Variants in CELSR2 observed in about 807,000 individuals in gnomAD.
CELSR2 encodes cadherin EGF LAG seven-pass G-type receptor 2.
Under a neutral mutation model 251.6 loss-of-function variants are expected in CELSR2, and 81 were observed. The observed-to-expected ratio is 0.32, with a 90% CI of 0.27 to 0.39. The LOEUF (loss-of-function observed/expected upper bound fraction) is 0.39, where lower values mean the gene tolerates loss of function less well. CELSR2 is among the 10% of genes least tolerant of loss of function. The pLI, the probability that CELSR2 is intolerant of heterozygous loss-of-function variation, is 1.00. For synonymous variants in CELSR2, 1,721 were observed against 1,670.5 expected (o/e 1.03, Z -0.74); for missense variants, 3,365 against 3,947.7 (o/e 0.85, Z 3.96).
intron 25 of CELSR2, 34 bp downstream of exon 25, chr1:109,271,073 T>G (rs1450003396): frequency 6.4e-7 from 1 of 1,568,414 alleles, no homozygotes; most frequent in Non-Finnish European, 8.8e-7. Context: ...GTGTCACCTG[T>G]GGCCCTCCTT....
Position 109,258,538 on chromosome 1 carries a change from G to C in CELSR2, c.3417G>C (p.Glu1139Asp), listed in dbSNP as rs753849362. The C allele has an allele frequency of 6.2e-7, 1 of 1,605,374 alleles. No individual in the cohort carries two copies. Among genetic ancestry groups the C allele is most frequent in the South Asian group, 1.1e-5 (1 of 89,400 alleles). ...ITLRLEDMSP[E>D]RFLSPLLGLF... ...TGCGCCTGGAGGACATGTCACCCGA[G>C]CGCTTCCTGTCACCACTGCTAGGCC... The change falls in exon 2 of 34, where the codon GAG (glutamate) becomes GAC (aspartate). Residue 1139 changes from glutamate (E) to aspartate (D), a missense_variant. Physicochemically the swap from Glu to Asp is conservative, Grantham distance 45 (BLOSUM62 2). Coordinates refer to ENST00000271332, the MANE Select transcript of CELSR2 (RefSeq NM_001408.3).
chr1:109,258,890 G>A lies in CELSR2; in HGVS notation c.3769G>A (p.Ala1257Thr), dbSNP rs767046890. 6 of 1,612,406 alleles carry A rather than the reference G, an allele frequency of 3.7e-6. No homozygotes were observed. The highest frequency in any genetic ancestry group is 3.3e-5 in the Admixed American group (2 of 59,906). ...CTTCGACTCCTCCGCGCCCTTCATC[G>A]CCTCCTCCTCCGTGCTCTTCCGGCC... is the stretch of plus-strand genomic sequence containing the variant. ...LRFDSSAPFI[A>T]SSSVLFRPIH... The change falls in exon 2 of 34, where the codon GCC (alanine) becomes ACC (threonine). Residue 1257 changes from alanine to threonine, a missense_variant. Physicochemically the swap from Ala to Thr is moderately conservative, Grantham distance 58. Coordinates refer to ENST00000271332, the MANE Select transcript of CELSR2 (RefSeq NM_001408.3).
chr1:109,265,640 G>A lies in CELSR2; in HGVS notation c.5728-95G>A, dbSNP rs574769059. 1.8e-5 allele frequency: 26 copies of A among 1,460,252 alleles called. No individual in the cohort carries two copies. The East Asian group carries it at 2.3e-4, about 13-fold the overall frequency. The allele number at this position is 1,460,252 out of a possible 1,614,324, so 90.5% of individuals were successfully genotyped here. A position where few individuals can be genotyped will look rare whatever the true frequency, so the allele number is the denominator to read the frequency against. ...ACTGCTCCTGAGGGGACCTGAGGTCGGGACCCTCTCCACAGGGGCCACAGC... is the reference window on the plus strand; with the variant it reads ...ACTGCTCCTGAGGGGACCTGAGGTCAGGACCCTCTCCACAGGGGCCACAGC... On this transcript the variant is annotated intron_variant, in intron 13 of 33. Coordinates refer to ENST00000271332, the MANE Select transcript of CELSR2 (RefSeq NM_001408.3).
At position 109,258,982 on chromosome 1, in the gene CELSR2, C is replaced by T. The variant is rs750464024; in HGVS notation, c.3861C>T (p.Thr1287=). The change falls in exon 2 of 34, where the codon ACC becomes ACT. Residue 1287 remains threonine (T), a synonymous_variant. Coordinates refer to ENST00000271332, the MANE Select transcript of CELSR2 (RefSeq NM_001408.3). The part of the protein sequence containing the change: ...PPGFTGDYCE[T]EVDLCYSRPC... The stretch of plus-strand genomic sequence containing the variant: ...GCTTCACGGGTGACTACTGCGAGAC[C>T]GAGGTGGACCTCTGCTACTCGCGGC... 27 of 1,609,114 alleles carry T rather than the reference C, an allele frequency of 1.7e-5. No individual in the cohort carries two copies. The highest frequency in any genetic ancestry group is 1.9e-5 in the Non-Finnish European group (22 of 1,179,476).
chr1:109,260,693 G>A (rs1014439804), intron 2 of CELSR2, among the ~76,000 whole-genome samples: 70 of 152,130 alleles, frequency 4.6e-4, no homozygotes, highest in African/African-American at 1.6e-3. Context: ...GTGTGACATC[G>A]AAGGCTCCCG....
In CELSR2 at chr1:109,269,134, C is replaced by T. The variant is rs1288336877; in HGVS notation, c.6656C>T (p.Ala2219Val). The part of the protein sequence containing the change: ...FRETPPVVRP[A>V]GPGEAQEPEE... ...GAGACGCCCCCCGTGGTCAGGCCCGCAGGCCCCGGAGAGGCCCAGGAGCCA... is the reference window on the plus strand; with the variant it reads ...GAGACGCCCCCCGTGGTCAGGCCCGTAGGCCCCGGAGAGGCCCAGGAGCCA... Residue 2219 changes from alanine (A) to valine (V), a missense_variant, in exon 20 of 34, where the codon GCA becomes GTA. Transcript: ENST00000271332. This position sits in a 1 kb window ranked among gnomAD's most constrained non-coding sequence, Gnocchi z 6.4. 2 of 1,606,644 alleles carry T rather than the reference C, an allele frequency of 1.2e-6. No individual in the cohort carries two copies. Among genetic ancestry groups the T allele is most frequent in the East Asian group, 2.2e-5 (1 of 44,746 alleles).
chr1:109,270,023 C>A lies in CELSR2; in HGVS notation c.7198C>A (p.Leu2400Ile), dbSNP rs2101276430. The A allele has an allele frequency of 6.2e-7, 1 of 1,614,164 alleles. No individual in the cohort carries two copies. The highest frequency in any genetic ancestry group is 2.2e-5 in the East Asian group (1 of 44,876). Residue 2400 changes from leucine (L) to isoleucine (I), a missense_variant, in exon 23 of 34, where the codon CTC becomes ATC. Physicochemically the swap from Leu to Ile is conservative, Grantham distance 5. Transcript: ENST00000271332. ...TCTGCTCACCTTCTTCTTCCTCACT[C>A]TCTTGCGTATCCTGCGCTCCAACCA... ...ALLLTFFFLTLLRILRSNQHG... is the reference protein window; with the variant it reads ...ALLLTFFFLTILRILRSNQHG...
chr1:109,273,023 C>A lies in CELSR2; in HGVS notation c.8334C>A (p.Pro2778=). ...GAERLPLHST[P]KDGGPGPGKA... ...AGAGACTGCCCCTGCACAGTACTCCCAAGGGTGGGCCAGCACTGGGGCTGT... is the reference window on the plus strand; with the variant it reads ...AGAGACTGCCCCTGCACAGTACTCCAAAGGGTGGGCCAGCACTGGGGCTGT... The change falls in exon 31 of 34, where the codon CCC becomes CCA. Residue 2778 remains proline (P), a synonymous_variant. Transcript: ENST00000271332. 1 of 1,609,884 alleles carries A rather than the reference C, an allele frequency of 6.2e-7. No individual in the cohort carries two copies. The highest frequency in any genetic ancestry group is 8.5e-7 in the Non-Finnish European group (1 of 1,177,646).
intron 1 of CELSR2, among the ~76,000 whole-genome samples, chr1:109,255,837 G>A (rs773887239): frequency 7.9e-5 from 12 of 152,248 alleles, no homozygotes; most frequent in Non-Finnish European, 1.6e-4. Context: ...GACTGTTGGG[G>A]ATGGGGGACA....
Position 109,251,613 on chromosome 1 carries a change from G to T in CELSR2, c.1534G>T (p.Ala512Ser). ...APIFVSTPFQ[A>S]TVLESVPLGY... ...CATCTTCGTCAGCACCCCTTTCCAGGCTACTGTCCTGGAGAGTGTCCCCTT... is the reference window on the plus strand; with the variant it reads ...CATCTTCGTCAGCACCCCTTTCCAGTCTACTGTCCTGGAGAGTGTCCCCTT... The change falls in exon 1 of 34, where the codon GCT (alanine) becomes TCT (serine). Residue 512 changes from alanine to serine, a missense_variant. By Grantham distance (99) the Ala-to-Ser change is moderately conservative (BLOSUM62 1). This residue lies in a region of CELSR2 where 704 missense variants were observed against 784.1 expected (regional missense o/e 0.90). Coordinates refer to ENST00000271332, the MANE Select transcript of CELSR2 (RefSeq NM_001408.3). The surrounding 1 kb of genome is among the most constrained non-coding windows in gnomAD (Gnocchi z 4.9). 7.4e-6 allele frequency: 12 copies of T among 1,613,818 alleles called. No homozygotes were observed. The highest frequency in any genetic ancestry group is 8.5e-6 in the Non-Finnish European group (10 of 1,179,882).
In CELSR2 at chr1:109,271,700, C is replaced by A; in HGVS notation, c.7904C>A (p.Thr2635Asn). 1 of 1,613,970 alleles carries A rather than the reference C, an allele frequency of 6.2e-7. No homozygotes were observed. The highest frequency in any genetic ancestry group is 8.5e-7 in the Non-Finnish European group (1 of 1,180,030). ...SRKPSPDPAL[T>N]TKSTLTSSYN... ...AAGCCCAGCCCTGACCCTGCTCTGA[C>A]CACCAAGTCCACCCTGACCTCGGTG... is the stretch of plus-strand genomic sequence containing the variant. Residue 2635 changes from threonine (T) to asparagine (N), a missense_variant, in exon 28 of 34, where the codon ACC (threonine) becomes AAC (asparagine). Thr to Asn is a moderately conservative substitution (Grantham distance 65). Around this residue, in one of 5 missense-constraint regions of CELSR2, gnomAD observed 2,093 missense variants for 2,382.8 expected, o/e 0.88. Transcript: ENST00000271332.
At position 109,250,072 on chromosome 1, in the gene CELSR2, T is replaced by C; in HGVS notation, c.-8T>C. On this transcript the variant is annotated 5_prime_UTR_variant, in exon 1 of 34. Transcript: ENST00000271332. This position sits in a 1 kb window ranked among gnomAD's most constrained non-coding sequence, Gnocchi z 4.4. ...GTTGACCCGGCCGCCGGCCGGGAGC[T>C]GGGAGAGATGCGGAGCCCGGCCACC... 6.3e-6 allele frequency: 9 copies of C among 1,433,528 alleles called. No homozygotes were observed. The highest frequency in any genetic ancestry group is 8.2e-6 in the Non-Finnish European group (9 of 1,101,130). The allele number at this position is 1,433,528 out of a possible 1,614,324, so 88.8% of individuals were successfully genotyped here. A position where few individuals can be genotyped will look rare whatever the true frequency, so the allele number is the denominator to read the frequency against.
Position 109,268,051 on chromosome 1 carries a change from C to G in CELSR2, c.6309C>G (p.His2103Gln), listed in dbSNP as rs1176209006. 6.3e-7 allele frequency: 1 copy of G among 1,597,000 alleles called. No homozygotes were observed. Among genetic ancestry groups the G allele is most frequent in the Non-Finnish European group, 8.5e-7 (1 of 1,172,622 alleles). Residue 2103 changes from histidine to glutamine, a missense_variant, in exon 17 of 34, where the codon CAC becomes CAG. His to Gln is a conservative substitution (Grantham distance 24, BLOSUM62 0). Coordinates refer to ENST00000271332, the MANE Select transcript of CELSR2 (RefSeq NM_001408.3). ...GFGLSATQDV[H>Q]FTENLLRVGS... The stretch of plus-strand genomic sequence containing the variant: ...GGCTGTCTGCCACACAGGACGTGCA[C>G]TTCACTGAGGTGGGGCTTGGAGGAT...
At chr1:109,260,204 C>T (rs537936533) in intron 2 of CELSR2, among the ~76,000 whole-genome samples, 4 of 149,708 alleles carry the variant, frequency 2.7e-5, no homozygotes, top group Non-Finnish European at 4.4e-5. Flanking sequence ...TTAGAGCAGG[C>T]GAACAACAGT....
chr1:109,250,304 G>C lies in CELSR2; in HGVS notation c.225G>C (p.Ala75=), dbSNP rs532970393. 1 of 1,613,360 alleles carries C rather than the reference G, an allele frequency of 6.2e-7. No individual in the cohort carries two copies. Among genetic ancestry groups the C allele is most frequent in the Admixed American group, 1.7e-5 (1 of 60,028 alleles). The change falls in exon 1 of 34, where the codon GCG becomes GCC. Residue 75 remains alanine (A), a synonymous_variant. Coordinates refer to ENST00000271332, the MANE Select transcript of CELSR2 (RefSeq NM_001408.3). The surrounding 1 kb of genome is among the most constrained non-coding windows in gnomAD (Gnocchi z 4.4). ...TCTACACCAGCCGCTGCAGGGATGC[G>C]GGCACTGAGCTGACTGGCCACCTGG... ...LWLYTSRCRD[A]GTELTGHLVP...
chr1:109,273,114 C>T (rs569972078), intron 31 of CELSR2, 52 bp from the exon 32 acceptor site: 3 of 1,596,662 alleles, frequency 1.9e-6, no homozygotes, highest in Non-Finnish European at 2.6e-6. Flanking sequence ...GGGGTGGTGG[C>T]CTCCTGGCTA....
rs768591718 is a variant in CELSR2 at position 109,271,629 on chromosome 1, G to A, written c.7833G>A (p.Val2611=). The change falls in exon 28 of 34, where the codon GTG becomes GTA. Residue 2611 remains valine, a synonymous_variant. Transcript: ENST00000271332. The part of the protein sequence containing the change: ...QGPFIFLSYV[V]LSKEVRKALK... ...CCTTCATCTTCCTCTCCTATGTGGT[G>A]CTTAGCAAGGAGGTCCGGAAAGCAC... is the stretch of plus-strand genomic sequence containing the variant. 4.0e-5 allele frequency: 64 copies of A among 1,613,984 alleles called. No individual in the cohort carries two copies. Among genetic ancestry groups the A allele is most frequent in the Admixed American group, 5.0e-5 (3 of 59,998 alleles).
At chr1:109,255,767 T>C (rs1188953481) in intron 1 of CELSR2, among the ~76,000 whole-genome samples, 5 of 152,156 alleles carry the variant, frequency 3.3e-5, no homozygotes, top group Non-Finnish European at 7.4e-5. Flanking sequence ...CCTTTGCACC[T>C]GAGGGGTGAC....
Position 109,252,482 on chromosome 1 carries a change from G to A in CELSR2, c.2403G>A (p.Leu801=). The A allele has an allele frequency of 6.2e-7, 1 of 1,613,840 alleles. No homozygotes were observed. The highest frequency in any genetic ancestry group is 8.5e-7 in the Non-Finnish European group (1 of 1,180,032). ...GIPQKSDTTY[L]EILVNDVNDN... is the part of the protein sequence containing the mutation. ...CCCAGAAGTCCGACACCACCTACCT[G>A]GAGATCCTGGTGAACGACGTGAATG... Residue 801 remains leucine, a synonymous_variant, in exon 1 of 34, where the codon CTG becomes CTA. Transcript: ENST00000271332. This position sits in a 1 kb window ranked among gnomAD's most constrained non-coding sequence, Gnocchi z 4.8.
Sources: gnomAD v4.1 joint callset for allele counts (sites outside exome capture counted in the v4.1 genomes callset) on GRCh38, gnomAD v4.1.1 for gene constraint, gnomAD v4.1.1 regional missense constraint, Gnocchi (gnomAD v3.1) non-coding constraint, MANE v1.5 for transcripts, NCBI Gene and HGNC (gene_info 2026-07-23, HGNC 2026-07-21) for gene names.